The following SLF1 variants were observed in gnomAD, a reference collection of about 807,000 sequenced individuals.
The protein encoded by SLF1 is SMC5/6 complex localization factor 1, also known as SMC5-SMC6 complex localization factor protein 1.
SLF1 carries 105 observed loss-of-function variants against 123.0 expected under a neutral mutation model. That is an observed-to-expected ratio of 0.85 (90% CI 0.73 to 1.00). The LOEUF is 1.00. Ranked by LOEUF, SLF1 falls within the 50% of genes least tolerant of loss-of-function variation. The pLI is 0.00. For synonymous variants in SLF1, 434 were observed against 406.6 expected (o/e 1.07, Z -0.81); for missense variants, 1,239 against 1,223.0 (o/e 1.01, Z -0.20).
At chr5:94,676,344 T>A (rs1304232599) in intron 14 of SLF1, among the ~76,000 whole-genome samples, 1 of 152,196 alleles carries the variant, frequency 6.6e-6, no homozygotes, top group East Asian at 1.9e-4. Flanking sequence ...CTGCAGTGTT[T>A]TCTGGAGACT....
In SLF1 at chr5:94,629,108, C is replaced by T. The variant is rs1168467073; in HGVS notation, c.131C>T (p.Thr44Ile). 1.3e-6 allele frequency: 2 copies of T among 1,543,670 alleles called. No homozygotes were observed. The highest frequency in any genetic ancestry group is 1.7e-4 in the Middle Eastern group (1 of 5,978). ...TCCCTCCAGAAATACAAAAATTGTA[C>T]ACATCTTATAGCTGAACGCCTATGT... The part of the protein sequence containing the change: ...FIKSEKYKNC[T>I]HLIAERLCKS... Residue 44 changes from threonine (T) to isoleucine (I), a missense_variant, in exon 3 of 21, where the codon ACA becomes ATA. Physicochemically the swap from Thr to Ile is moderately conservative, Grantham distance 89. Transcript: ENST00000265140.
Position 94,630,626 on chromosome 5 carries a change from A to G in SLF1, c.314A>G (p.Gln105Arg). ...GATTCCCGTTATTCACCTCAAATGCAATCTGCACCTAAAAGATGGCGTGAA... is the reference window on the plus strand; with the variant it reads ...GATTCCCGTTATTCACCTCAAATGCGATCTGCACCTAAAAGATGGCGTGAA... The part of the protein sequence containing the change: ...EKDSRYSPQM[Q>R]SAPKRWREEL... The change falls in exon 4 of 21, where the codon CAA (glutamine) becomes CGA (arginine). Residue 105 changes from glutamine to arginine, a missense_variant. Physicochemically the swap from Gln to Arg is conservative, Grantham distance 43 (BLOSUM62 1). Coordinates refer to ENST00000265140, the MANE Select transcript of SLF1 (RefSeq NM_032290.4). 2 of 1,551,724 alleles carry G rather than the reference A, an allele frequency of 1.3e-6. No homozygotes were observed. The highest frequency in any genetic ancestry group is 1.7e-6 in the Non-Finnish European group (2 of 1,146,992).
chr5:94,673,278 C>T (rs140876361), intron 14 of SLF1, among the ~76,000 whole-genome samples: 1 of 152,184 alleles, frequency 6.6e-6, no homozygotes, highest in East Asian at 1.9e-4. Flanking sequence ...GAGTACCTCA[C>T]TAGATTTTGG....
intron 14 of SLF1, among the ~76,000 whole-genome samples, chr5:94,677,629 A>G (rs1223093018): frequency 6.6e-6 from 1 of 152,158 alleles, no homozygotes; most frequent in Non-Finnish European, 1.5e-5. Flanking sequence ...CTATTAATTT[A>G]GTGATTTTTT....
At chr5:94,671,091 TG>T in intron 14 of SLF1, 83 bp downstream of exon 14, 1 of 1,020,082 alleles carries the variant, frequency 9.8e-7, no homozygotes, top group Non-Finnish European at 1.4e-6. Context: ...CTTTATTCTT[TG>T]GATCACTCGA....
chr5:94,679,909 GGA>G (rs1299918498), intron 15 of SLF1, among the ~76,000 whole-genome samples: 1 of 152,010 alleles, frequency 6.6e-6, no homozygotes, highest in African/African-American at 2.4e-5. Context: ...GCCAGTTTAG[GGA>G]GAGTCTTTGC....
At chr5:94,621,802 T>C (rs1791813484) in intron 1 of SLF1, among the ~76,000 whole-genome samples, 1 of 152,152 alleles carries the variant, frequency 6.6e-6, no homozygotes, top group African/African-American at 2.4e-5. Flanking sequence ...AATTACTGCT[T>C]CTTTCCCAAA....
intron 1 of SLF1, among the ~76,000 whole-genome samples, chr5:94,628,495 T>G (rs1744842795): frequency 1.3e-5 from 2 of 152,242 alleles, no homozygotes; most frequent in Admixed American, 1.3e-4. Context: ...TTGTATAACA[T>G]TCTATCATTT....
intron 1 of SLF1, among the ~76,000 whole-genome samples, chr5:94,623,818 G>A (rs923329173): frequency 6.6e-6 from 1 of 151,968 alleles, no homozygotes; most frequent in African/African-American, 2.4e-5. Flanking sequence ...ATCCTGCAGG[G>A]TCAGAAAGAA....
At chr5:94,677,689 T>G (rs1751248361) in intron 14 of SLF1, among the ~76,000 whole-genome samples, 1 of 152,150 alleles carries the variant, frequency 6.6e-6, no homozygotes, top group Non-Finnish European at 1.5e-5. Context: ...AACATAAGAA[T>G]TTCAGCTGGT....
At chr5:94,688,876 T>C (rs1752747184) in intron 17 of SLF1, among the ~76,000 whole-genome samples, 1 of 152,204 alleles carries the variant, frequency 6.6e-6, no homozygotes, top group Non-Finnish European at 1.5e-5. Context: ...GAAATAAAAC[T>C]GCTCATCAAA....
intron 12 of SLF1, among the ~76,000 whole-genome samples, chr5:94,668,719 A>T (rs930437713): frequency 6.6e-6 from 1 of 152,156 alleles, no homozygotes; most frequent in Non-Finnish European, 1.5e-5. Flanking sequence ...GGCTCAAGCA[A>T]TCCTCCTACC....
chr5:94,647,021 T>G (rs143687864), intron 5 of SLF1, among the ~76,000 whole-genome samples: 8 of 152,306 alleles, frequency 5.3e-5, no homozygotes, highest in African/African-American at 1.9e-4. Flanking sequence ...TGAGGGTAAG[T>G]AACTTGCCCA....
intron 19 of SLF1, 45 bp from the exon 20 acceptor site, chr5:94,692,029 G>A: frequency 6.3e-7 from 1 of 1,590,820 alleles, no homozygotes; most frequent in East Asian, 2.2e-5. Flanking sequence ...TCTACCAAAA[G>A]TCCTACTTCT....
rs746567355 is a variant in SLF1, at chr5:94,695,277, G to C, written c.3142G>C (p.Glu1048Gln). 2 of 1,611,134 alleles carry C rather than the reference G, an allele frequency of 1.2e-6. No individual in the cohort carries two copies. Among genetic ancestry groups the C allele is most frequent in the South Asian group, 2.2e-5 (2 of 90,818 alleles). ...CACTGAGGCCTTGATGATAACATTG[G>C]AAATGATGTGTCGGTCAGTCATGGA... ...VHTEALMITL[E>Q]MMCRSVMEFS Residue 1048 changes from glutamate (E) to glutamine (Q), a missense_variant, in exon 21 of 21, where the codon GAA becomes CAA. Physicochemically the swap from Glu to Gln is conservative, Grantham distance 29. Coordinates refer to ENST00000265140, the MANE Select transcript of SLF1 (RefSeq NM_032290.4).
In SLF1 at chr5:94,688,649, C is replaced by A. The variant is rs772728803; in HGVS notation, c.2265C>A (p.Val755=). ...TGAATGGTACTAAACAAAAACAAGT[C>A]GAAGGGCTGCCAGAGTTACTGTAAG... ...LMLNGTKQKQ[V]EGLPELLDLN... is the part of the protein sequence containing the mutation. Residue 755 remains valine, a synonymous_variant, in exon 17 of 21, where the codon GTC becomes GTA. Transcript: ENST00000265140. 5 of 1,613,890 alleles carry A rather than the reference C, an allele frequency of 3.1e-6. No individual in the cohort carries two copies. The highest frequency in any genetic ancestry group is 1.7e-5 in the Admixed American group (1 of 60,000).
chr5:94,635,665 G>A (rs1228510901), intron 4 of SLF1, among the ~76,000 whole-genome samples: 1 of 151,782 alleles, frequency 6.6e-6, no homozygotes, highest in Non-Finnish European at 1.5e-5. Flanking sequence ...ATGTCAAACT[G>A]ATAACTTTGG....
chr5:94,648,749 G>A (rs1342228844), intron 5 of SLF1, among the ~76,000 whole-genome samples: 2 of 152,142 alleles, frequency 1.3e-5, no homozygotes, highest in African/African-American at 2.4e-5. Context: ...CAAAGTGCTG[G>A]GATTACAGGC....
In SLF1 at chr5:94,649,506, A is replaced by G. The variant is rs749131763; in HGVS notation, c.647A>G (p.His216Arg). ...CAAACCAATTCTGTTTGGACTGAACATAGCAATGAAGAAACAAACAAAGAT... is the reference window on the plus strand; with the variant it reads ...CAAACCAATTCTGTTTGGACTGAACGTAGCAATGAAGAAACAAACAAAGAT... ...DSQTNSVWTE[H>R]SNEETNKDFR... Residue 216 changes from histidine (H) to arginine (R), a missense_variant, in exon 6 of 21, where the codon CAT (histidine) becomes CGT (arginine). His to Arg is a conservative substitution (Grantham distance 29). Transcript: ENST00000265140. 5.2e-6 allele frequency: 8 copies of G among 1,544,074 alleles called. No individual in the cohort carries two copies. Among genetic ancestry groups the G allele is most frequent in the South Asian group, 1.2e-5 (1 of 83,116 alleles).
Sources: gnomAD v4.1 joint callset for allele counts (sites outside exome capture counted in the v4.1 genomes callset) on GRCh38, gnomAD v4.1.1 for gene constraint, MANE v1.5 for transcripts, NCBI Gene and HGNC (gene_info 2026-07-23, HGNC 2026-07-21) for gene names.